Variants in SLC7A1 observed in about 807,000 individuals in gnomAD.
SLC7A1 encodes solute carrier family 7 member 1.
SLC7A1 carries 10 observed loss-of-function variants against 53.9 expected under a neutral mutation model. The observed-to-expected ratio is 0.19, with a 90% confidence interval of 0.11 to 0.31. SLC7A1 has a LOEUF of 0.31. SLC7A1 is among the 10% of genes least tolerant of loss of function. The probability of loss-of-function intolerance (pLI) is 1.00; values close to 1 mark genes in which losing one functional copy is unlikely to be tolerated. For synonymous variants in SLC7A1, 342 were observed against 338.7 expected, an observed-to-expected ratio of 1.01 and a Z score of -0.11; for missense variants, 525 against 827.2, an observed-to-expected ratio of 0.63 and a Z score of 4.48.
chr13:29,559,720 CTTT>C (rs745855245), intron 1 of SLC7A1, among the ~76,000 whole-genome samples: 1 of 145,816 alleles, frequency 6.9e-6, no homozygotes, highest in African/African-American at 2.5e-5. Context: ...TTTTGTAACT[CTTT>C]TTTTTTTTTT....
chr13:29,581,964 G>T (rs1437431783), intron 1 of SLC7A1, among the ~76,000 whole-genome samples: 1 of 152,204 alleles, frequency 6.6e-6, no homozygotes, highest in African/African-American at 2.4e-5. Flanking sequence ...CTCCCTGAAG[G>T]CTGGGGCTTA....
In SLC7A1 at chr13:29,514,492, G is replaced by C. The variant is rs1317549658; in HGVS notation, c.1878C>G (p.Asp626Glu). 5 of 1,609,610 alleles carry C rather than the reference G, an allele frequency of 3.1e-6. No individual in the cohort carries two copies. The highest frequency in any genetic ancestry group is 4.2e-6 in the Non-Finnish European group (5 of 1,179,646). The change falls in exon 13 of 13, where the codon GAC becomes GAG. Residue 626 changes from aspartate to glutamate, a missense_variant. Physicochemically the swap from Asp to Glu is conservative, Grantham distance 45. This residue lies in a region of SLC7A1 where 41 missense variants were observed against 61.3 expected (regional missense o/e 0.67). Coordinates refer to ENST00000380752, the MANE Select transcript of SLC7A1 (RefSeq NM_003045.5). Reference sequence around the variant, plus strand: ...GCGGGGCTGTGCGTCACTTGCACTGGTCCAAGTTGCCGTCAGGAGTCCTTG... The same window carrying C: ...GCGGGGCTGTGCGTCACTTGCACTGCTCCAAGTTGCCGTCAGGAGTCCTTG... ...DQARTPDGNL[D>E]QCK
chr13:29,562,638 T>G (rs930355494), intron 1 of SLC7A1, among the ~76,000 whole-genome samples: 1 of 152,188 alleles, frequency 6.6e-6, no homozygotes, highest in African/African-American at 2.4e-5. Context: ...ATGCATTACC[T>G]CGCACAGTTA....
chr13:29,514,797 A>G (rs1883507268), intron 12 of SLC7A1, among the ~76,000 whole-genome samples: 1 of 152,206 alleles, frequency 6.6e-6, no homozygotes, highest in Non-Finnish European at 1.5e-5. Context: ...GCAAAGCCCT[A>G]CGTTCCTCTG....
chr13:29,561,631 ACT>A (rs1870761676), intron 1 of SLC7A1, among the ~76,000 whole-genome samples: 1 of 152,322 alleles, frequency 6.6e-6, no homozygotes, highest in Admixed American at 6.5e-5. Context: ...GACTGAAATA[ACT>A]TTTCTGTTCA....
At chr13:29,583,358 T>C (rs1384746629) in intron 1 of SLC7A1, among the ~76,000 whole-genome samples, 1 of 152,222 alleles carries the variant, frequency 6.6e-6, no homozygotes, top group East Asian at 1.9e-4. Context: ...GCTTTCCCTC[T>C]GTCCCTGCTC....
At chr13:29,561,322 G>A (rs1870744292) in intron 1 of SLC7A1, among the ~76,000 whole-genome samples, 1 of 152,154 alleles carries the variant, frequency 6.6e-6, no homozygotes, top group African/African-American at 2.4e-5. Context: ...GACGCGCTGA[G>A]GGGGTATCAA....
chr13:29,557,402 C>G (rs1327281242), intron 1 of SLC7A1, among the ~76,000 whole-genome samples: 1 of 152,060 alleles, frequency 6.6e-6, no homozygotes, highest in African/African-American at 2.4e-5. Flanking sequence ...AGTGTACTGA[C>G]AGAAACCTAG....
At position 29,524,259 on chromosome 13, in the gene SLC7A1, A is replaced by G. The variant is rs1868779120; in HGVS notation, c.705-6T>C. 6.2e-7 allele frequency: 1 copy of G among 1,613,980 alleles called. No homozygotes were observed. The highest frequency in any genetic ancestry group is 1.7e-5 in the Admixed American group (1 of 59,990). ...GCTTCCCTTCTTTTGTGTCACTAGA[A>G]AAAAGAGCCGCAAACAAATGTCACG... On this transcript the variant is annotated splice_polypyrimidine_tract_variant and splice_region_variant and intron_variant, in intron 5 of 12. Coordinates refer to ENST00000380752, the MANE Select transcript of SLC7A1 (RefSeq NM_003045.5).
At position 29,517,623 on chromosome 13, in the gene SLC7A1, T is replaced by A. The variant is rs1208137457; in HGVS notation, c.1460A>T (p.Glu487Val). ...AATTAGCCCAGAGATTTTGGAAGGC[T>A]CCATGTTTTTGGGTGAGAGTATGGT... Reference protein sequence around the residue: ...LKTILSPKNMEPSKISGLIVN... With the variant: ...LKTILSPKNMVPSKISGLIVN... Residue 487 changes from glutamate to valine, a missense_variant, in exon 10 of 13, where the codon GAG (glutamate) becomes GTG (valine). By Grantham distance (121) the Glu-to-Val change is moderately radical. Around this residue, in one of 4 missense-constraint regions of SLC7A1, gnomAD observed 122 missense variants for 140.9 expected, o/e 0.87. Transcript: ENST00000380752. The A allele has an allele frequency of 6.2e-7, 1 of 1,614,204 alleles. No homozygotes were observed. The highest frequency in any genetic ancestry group is 8.5e-7 in the Non-Finnish European group (1 of 1,180,018).
intron 1 of SLC7A1, among the ~76,000 whole-genome samples, chr13:29,578,889 C>A (rs1871524517): frequency 6.6e-6 from 1 of 152,250 alleles, no homozygotes; most frequent in African/African-American, 2.4e-5. Flanking sequence ...CGGGGCCTGG[C>A]AGCAGGCAAG....
chr13:29,555,829 G>A (rs1870416585), intron 1 of SLC7A1, among the ~76,000 whole-genome samples: 1 of 152,136 alleles, frequency 6.6e-6, no homozygotes, highest in South Asian at 2.1e-4. Flanking sequence ...ATGACACTGG[G>A]GGTGATGTTA....
intron 5 of SLC7A1, 118 bp from the exon 6 acceptor site, chr13:29,524,371 G>A: frequency 2.3e-6 from 3 of 1,307,134 alleles, no homozygotes; most frequent in Non-Finnish European, 3.2e-6. Context: ...TGTTACCGCT[G>A]CCAGGCCCTG....
At chr13:29,581,620 A>C (rs1434608546) in intron 1 of SLC7A1, among the ~76,000 whole-genome samples, 1 of 152,212 alleles carries the variant, frequency 6.6e-6, no homozygotes, top group African/African-American at 2.4e-5. Flanking sequence ...TCTAAGTGGC[A>C]TTCTGGTTTA....
intron 1 of SLC7A1, among the ~76,000 whole-genome samples, chr13:29,561,019 G>T (rs543445561): frequency 2.0e-5 from 3 of 152,010 alleles, no homozygotes; most frequent in Non-Finnish European, 2.9e-5. Flanking sequence ...AAGCGGTTTC[G>T]CCTGTTCTTA....
At chr13:29,574,715 GC>G in intron 1 of SLC7A1, among the ~76,000 whole-genome samples, 1 of 149,564 alleles carries the variant, frequency 6.7e-6, no homozygotes, top group South Asian at 2.1e-4. Context: ...TGCGATCTCG[GC>G]TCACTGCAAG....
chr13:29,590,373 C>T lies in SLC7A1; in HGVS notation c.-115+5043G>A, dbSNP rs536575324. On this transcript the variant is annotated intron_variant, in intron 1 of 12. Transcript: ENST00000380752. ...CCCGTCCTGCCCCCCACCAAACACACACACATACATATACACATACACATA... is the reference window on the plus strand; with the variant it reads ...CCCGTCCTGCCCCCCACCAAACACATACACATACATATACACATACACATA... Among the ~76,000 whole-genome samples, 8 of 152,268 alleles carry T rather than the reference C, an allele frequency of 5.3e-5. No homozygotes were observed. In the South Asian group the frequency reaches 1.7e-3, roughly 32 times the overall value.
At chr13:29,527,707 C>G (rs1868961290) in intron 5 of SLC7A1, among the ~76,000 whole-genome samples, 1 of 152,176 alleles carries the variant, frequency 6.6e-6, no homozygotes, top group African/African-American at 2.4e-5. Flanking sequence ...TCAGAAGCAG[C>G]AAAGACAATG....
intron 2 of SLC7A1, among the ~76,000 whole-genome samples, chr13:29,537,478 G>A (rs968334234): frequency 2.0e-5 from 3 of 152,206 alleles, no homozygotes; most frequent in African/African-American, 7.2e-5. Context: ...ATGCAATGTG[G>A]GATCCTATAT....
Sources: allele counts gnomAD v4.1 joint callset (sites outside exome capture counted in the v4.1 genomes callset), GRCh38; gene constraint gnomAD v4.1.1; regional missense constraint gnomAD v4.1.1; transcripts MANE v1.5; gene names NCBI Gene and HGNC (gene_info 2026-07-23, HGNC 2026-07-21).